MAPK4: variants seen among roughly 807,000 people sequenced by gnomAD.
The protein encoded by MAPK4 is mitogen-activated protein kinase 4.
MAPK4 carries 22 observed loss-of-function variants against 47.7 expected under a neutral mutation model. That is an observed-to-expected ratio of 0.46 (90% CI 0.33 to 0.66). MAPK4 has a LOEUF of 0.66. Ranked by LOEUF, MAPK4 falls within the 30% of genes least tolerant of loss-of-function variation. The pLI is 0.02. For synonymous variants in MAPK4, 390 were observed against 365.7 expected (o/e 1.07, Z -0.76); for missense variants, 736 against 831.7 (o/e 0.88, Z 1.42).
At chr18:50,729,121 T>G (rs1358052074) in intron 5 of MAPK4, 37 bp from the exon 6 acceptor site, 2 of 1,505,768 alleles carry the variant, frequency 1.3e-6, no homozygotes, top group Admixed American at 4.0e-5. Flanking sequence ...CTACCTGGCT[T>G]GGGCATCCAA....
chr18:50,639,301 A>G (rs2042918224), intron 1 of MAPK4, among the ~76,000 whole-genome samples: 1 of 152,228 alleles, frequency 6.6e-6, no homozygotes, highest in Non-Finnish European at 1.5e-5. Flanking sequence ...TTAAGTTCTG[A>G]GACAGAAATC....
At chr18:50,576,530 A>G (rs1369318330) in intron 1 of MAPK4, among the ~76,000 whole-genome samples, 1 of 152,214 alleles carries the variant, frequency 6.6e-6, no homozygotes, top group Non-Finnish European at 1.5e-5. Context: ...ATCACCTCTC[A>G]GGTTCTATGC....
In MAPK4 at chr18:50,729,622, C is replaced by T. The variant is rs1313926250; in HGVS notation, c.1532C>T (p.Ala511Val). The change falls in exon 6 of 6, where the codon GCC becomes GTC. Residue 511 changes from alanine to valine, a missense_variant. Around this residue, in one of 3 missense-constraint regions of MAPK4, gnomAD observed 377 missense variants for 378.6 expected, o/e 1.00. Coordinates refer to ENST00000400384, the MANE Select transcript of MAPK4 (RefSeq NM_002747.4). ...QGGPEHASPP[A>V]DDPERRLSAS... ...GGCCCAGAGCACGCCAGCCCGCCCG[C>T]CGACGACCCCGAGCGCCGCTTGTCT... The T allele has an allele frequency of 7.2e-7, 1 of 1,388,000 alleles. No homozygotes were observed. Among genetic ancestry groups the T allele is most frequent in the Admixed American group, 3.7e-5 (1 of 27,048 alleles). 86.0% of individuals were successfully genotyped at this position (1,388,000 alleles called of 1,614,324 possible).
intron 1 of MAPK4, among the ~76,000 whole-genome samples, chr18:50,606,191 A>G (rs915390348): frequency 6.6e-6 from 1 of 152,118 alleles, no homozygotes; most frequent in Non-Finnish European, 1.5e-5. Flanking sequence ...GTGATTGTGG[A>G]CATGGTCTTA....
At chr18:50,647,222 C>A (rs888318409) in intron 1 of MAPK4, among the ~76,000 whole-genome samples, 1 of 152,158 alleles carries the variant, frequency 6.6e-6, no homozygotes, top group African/African-American at 2.4e-5. Context: ...GGTTACCAAA[C>A]AATAAAAGAA....
chr18:50,567,224 A>G (rs994375484), intron 1 of MAPK4, among the ~76,000 whole-genome samples: 1 of 151,948 alleles, frequency 6.6e-6, no homozygotes, highest in African/African-American at 2.4e-5. Flanking sequence ...ATTTCTTCTA[A>G]TGCTATCCCT....
chr18:50,727,077 T>G (rs1290531964), intron 5 of MAPK4, among the ~76,000 whole-genome samples: 1 of 152,228 alleles, frequency 6.6e-6, no homozygotes, highest in Non-Finnish European at 1.5e-5. Flanking sequence ...TGGAAGCCAC[T>G]ACCAATGAAT....
intron 1 of MAPK4, among the ~76,000 whole-genome samples, chr18:50,624,413 G>T (rs1210315409): frequency 6.6e-6 from 1 of 152,088 alleles, no homozygotes; most frequent in Non-Finnish European, 1.5e-5. Flanking sequence ...CAACACGTGG[G>T]CAGTGTAGTA....
At chr18:50,711,400 A>G (rs1005275801) in intron 2 of MAPK4, among the ~76,000 whole-genome samples, 14 of 152,262 alleles carry the variant, frequency 9.2e-5, no homozygotes, top group Non-Finnish European at 1.8e-4. Flanking sequence ...GCAGGAGGAA[A>G]TAGACGATTA....
chr18:50,571,478 C>G (rs1372718077), intron 1 of MAPK4, among the ~76,000 whole-genome samples: 1 of 152,182 alleles, frequency 6.6e-6, no homozygotes, highest in Non-Finnish European at 1.5e-5. Flanking sequence ...CCAGAAAGCC[C>G]TACCAGCCAT....
chr18:50,675,868 C>T (rs1395765145), intron 2 of MAPK4, among the ~76,000 whole-genome samples: 1 of 151,976 alleles, frequency 6.6e-6, no homozygotes, highest in African/African-American at 2.4e-5. Context: ...CTCAGGTGAT[C>T]CGCCTGCCTC....
At chr18:50,653,034 A>G (rs2043067117) in intron 1 of MAPK4, among the ~76,000 whole-genome samples, 1 of 152,072 alleles carries the variant, frequency 6.6e-6, no homozygotes, top group African/African-American at 2.4e-5. Flanking sequence ...TTTAAAAAAG[A>G]AAAACCTAGC....
Position 50,664,290 on chromosome 18 carries a change from A to G in MAPK4, c.332A>G (p.Asp111Gly), listed in dbSNP as rs1243889116. 1 of 1,613,312 alleles carries G rather than the reference A, an allele frequency of 6.2e-7. No homozygotes were observed. The highest frequency in any genetic ancestry group is 2.2e-5 in the East Asian group (1 of 44,862). ...ATCGTCCAGGAGTACATGGAGACCG[A>G]CCTGGCACGCCTGCTGGAGCAGGGC... Reference protein sequence around the residue: ...AYIVQEYMETDLARLLEQGTL... With the variant: ...AYIVQEYMETGLARLLEQGTL... The change falls in exon 2 of 6, where the codon GAC becomes GGC. Residue 111 changes from aspartate to glycine, a missense_variant. By Grantham distance (94) the Asp-to-Gly change is moderately conservative (BLOSUM62 -1). This residue lies in a region of MAPK4 where 327 missense variants were observed against 395.4 expected (regional missense o/e 0.83). Coordinates refer to ENST00000400384, the MANE Select transcript of MAPK4 (RefSeq NM_002747.4). The surrounding 1 kb of genome is among the most constrained non-coding windows in gnomAD (Gnocchi z 6.0).
chr18:50,704,070 A>G (rs1909924757), intron 2 of MAPK4, among the ~76,000 whole-genome samples: 1 of 152,052 alleles, frequency 6.6e-6, no homozygotes, highest in African/African-American at 2.4e-5. Flanking sequence ...AGACCTTGTG[A>G]CAGAGAGACT....
chr18:50,612,930 C>T (rs916837399), intron 1 of MAPK4, among the ~76,000 whole-genome samples: 2 of 152,074 alleles, frequency 1.3e-5, no homozygotes, highest in Non-Finnish European at 2.9e-5. Context: ...GGTGTGGAAC[C>T]TTGTAGCCGG....
rs1907411801 is a variant in MAPK4, at chr18:50,663,736, T to G, written c.-223T>G. The G allele has an allele frequency of 2.1e-6, 1 of 477,226 alleles. No individual in the cohort carries two copies. The highest frequency in any genetic ancestry group is 3.7e-6 in the Non-Finnish European group (1 of 268,738). The allele number at this position is 477,226 out of a possible 1,614,324, so 29.6% of individuals were successfully genotyped here. On this transcript the variant is annotated 5_prime_UTR_variant, in exon 2 of 6. Transcript: ENST00000400384. ...AGTAGACAGCCCTCCCAATGCAGGT[T>G]AAGACGACAGCCTGCGCCCCCAACT...
chr18:50,721,700 G>T (rs1175038593), intron 3 of MAPK4, among the ~76,000 whole-genome samples: 1 of 152,148 alleles, frequency 6.6e-6, no homozygotes, highest in Admixed American at 6.5e-5. Context: ...GAATAGATGG[G>T]GCCTTGCAGA....
chr18:50,685,392 G>A (rs954777144), intron 2 of MAPK4, among the ~76,000 whole-genome samples: 2 of 152,204 alleles, frequency 1.3e-5, no homozygotes, highest in African/African-American at 4.8e-5. Flanking sequence ...CATCCCACAC[G>A]TGGCTATGGG....
In MAPK4 at chr18:50,729,667, C is replaced by G. The variant is rs1417419801; in HGVS notation, c.1577C>G (p.Pro526Arg). Residue 526 changes from proline to arginine, a missense_variant, in exon 6 of 6, where the codon CCG (proline) becomes CGG (arginine). Pro to Arg is a moderately radical substitution (Grantham distance 103). Around this residue, in one of 3 missense-constraint regions of MAPK4, gnomAD observed 377 missense variants for 378.6 expected, o/e 1.00. Coordinates refer to ENST00000400384, the MANE Select transcript of MAPK4 (RefSeq NM_002747.4). ...RRLSASPPGR[P>R]APVDGGASPQ... Reference sequence around the variant, plus strand: ...TTGTCTGCCTCGCCCCCCGGCCGCCCGGCCCCGGTGGACGGCGGCGCCAGC... The same window carrying G: ...TTGTCTGCCTCGCCCCCCGGCCGCCGGGCCCCGGTGGACGGCGGCGCCAGC... 2 of 1,519,840 alleles carry G rather than the reference C, an allele frequency of 1.3e-6. No individual in the cohort carries two copies. Among genetic ancestry groups the G allele is most frequent in the Non-Finnish European group, 8.9e-7 (1 of 1,127,288 alleles). The allele number at this position is 1,519,840 out of a possible 1,614,324, so 94.1% of individuals were successfully genotyped here. A position where few individuals can be genotyped will look rare whatever the true frequency, so the allele number is the denominator to read the frequency against.
Sources: gnomAD v4.1 joint callset for allele counts (sites outside exome capture counted in the v4.1 genomes callset) on GRCh38, gnomAD v4.1.1 for gene constraint, gnomAD v4.1.1 regional missense constraint, Gnocchi (gnomAD v3.1) non-coding constraint, MANE v1.5 for transcripts, NCBI Gene and HGNC (gene_info 2026-07-23, HGNC 2026-07-21) for gene names.